Variants in USP26 observed in about 807,000 individuals in gnomAD.
USP26 encodes ubiquitin carboxyl-terminal hydrolase 26.
For missense variants in USP26, 649 were observed against 642.3 expected, an observed-to-expected ratio of 1.01 and a Z score of -0.11; for synonymous variants, 236 against 240.6, an observed-to-expected ratio of 0.98 and a Z score of 0.18.
intron 5 of USP26, among the ~76,000 whole-genome samples, chrX:133,060,910 A>G (rs894581855): frequency 1.1e-4 from 12 of 111,945 alleles, no homozygotes; most frequent in African/African-American, 3.6e-4. Flanking sequence ...TTCAGGAATG[A>G]ATTGATATGT....
At chrX:133,058,220 A>C (rs1331767557) in intron 5 of USP26, among the ~76,000 whole-genome samples, 1 of 109,704 alleles carries the variant, frequency 9.1e-6, no homozygotes, top group Non-Finnish European at 1.9e-5. Flanking sequence ...CCTGTTCTAT[A>C]ATGATGAATG....
At chrX:133,068,399 C>T (rs112695400) in intron 5 of USP26, among the ~76,000 whole-genome samples, 8 of 111,814 alleles carry the variant, frequency 7.2e-5, no homozygotes, top group African/African-American at 2.3e-4. Context: ...CCTCCTGAAC[C>T]TAAAAGTTGG....
At position 133,043,743 on chromosome X, in the gene USP26, G is replaced by A. The variant is rs183559914; in HGVS notation, c.-76-15447C>T. ...CAACATAGCAAGACTCCATCTCTAC[G>A]AAAAATAGAAAAAAAATAGCCAGGT... is the stretch of plus-strand genomic sequence containing the variant. On this transcript the variant is annotated intron_variant, in intron 5 of 5. Transcript: ENST00000511190. 2.2e-4 allele frequency among the ~76,000 whole-genome samples: 25 copies of A among 111,153 alleles called. No individual in the cohort carries two copies. The Admixed American group carries it at 2.4e-3, about 11-fold the overall frequency.
chrX:133,079,856 A>G (rs751460357), intron 5 of USP26, among the ~76,000 whole-genome samples: 1 of 111,997 alleles, frequency 8.9e-6, no homozygotes, highest in African/African-American at 3.2e-5. Context: ...AAGATAAAAA[A>G]TATAGATGAA....
intron 5 of USP26, among the ~76,000 whole-genome samples, chrX:133,041,268 G>A (rs1258584568): frequency 9.0e-6 from 1 of 110,979 alleles, no homozygotes; most frequent in Non-Finnish European, 1.9e-5. Flanking sequence ...GAGGAGATGA[G>A]GCATTCTGGT....
chrX:133,076,591 G>A (rs1207807623), intron 5 of USP26, among the ~76,000 whole-genome samples: 1 of 111,986 alleles, frequency 8.9e-6, no homozygotes, highest in Non-Finnish European at 1.9e-5. Context: ...TTGCTTCCAA[G>A]ATTGAGTTAC....
chrX:133,067,822 T>C (rs1252021156), intron 5 of USP26, among the ~76,000 whole-genome samples: 2 of 111,923 alleles, frequency 1.8e-5, no homozygotes, highest in Non-Finnish European at 3.8e-5. Flanking sequence ...CTAACCACCA[T>C]GGCACATGTA....
chrX:133,071,036 G>A (rs1409734948), intron 5 of USP26, among the ~76,000 whole-genome samples: 1 of 110,502 alleles, frequency 9.0e-6, no homozygotes, highest in African/African-American at 3.3e-5. Context: ...GGCCAACATG[G>A]TGAAACGCCA....
At chrX:133,040,114 C>T (rs1160665553) in intron 5 of USP26, among the ~76,000 whole-genome samples, 1 of 111,651 alleles carries the variant, frequency 9.0e-6, no homozygotes, top group Non-Finnish European at 1.9e-5. Context: ...CTCTTGAATA[C>T]AGCACACTGA....
intron 5 of USP26, among the ~76,000 whole-genome samples, chrX:133,076,541 TA>T (rs1424806079): frequency 8.9e-6 from 1 of 111,947 alleles, no homozygotes; most frequent in East Asian, 2.8e-4. Flanking sequence ...TCTTACTGAC[TA>T]GTTTCTATCA....
At chrX:133,085,936 T>C (rs2067587006) in intron 4 of USP26, among the ~76,000 whole-genome samples, 1 of 110,593 alleles carries the variant, frequency 9.0e-6, no homozygotes, top group African/African-American at 3.3e-5. Flanking sequence ...AGAAGATGTG[T>C]AGATGGGGTT....
intron 5 of USP26, among the ~76,000 whole-genome samples, chrX:133,059,303 T>C (rs1283216091): frequency 9.0e-6 from 1 of 111,518 alleles, no homozygotes; most frequent in African/African-American, 3.3e-5. Context: ...ATAACACACA[T>C]AGCAGTTAAG....
At chrX:133,034,583 A>G (rs7052100) in intron 5 of USP26, among the ~76,000 whole-genome samples, 3,867 of 112,512 alleles carry the variant, frequency 0.034, 98 homozygotes, top group East Asian at 0.1. Context: ...TCATTTTTAA[A>G]GGACCTATAA....
At chrX:133,074,626 T>C (rs2067541676) in intron 5 of USP26, among the ~76,000 whole-genome samples, 1 of 112,533 alleles carries the variant, frequency 8.9e-6, no homozygotes, top group African/African-American at 3.2e-5. Flanking sequence ...TGTATGTGCA[T>C]GCATCTGTTT....
chrX:133,031,402 A>G (rs1438955951), intron 5 of USP26, among the ~76,000 whole-genome samples: 1 of 112,199 alleles, frequency 8.9e-6, no homozygotes, highest in Non-Finnish European at 1.9e-5. Flanking sequence ...AGGGCCCATT[A>G]AACAAATCGG....
At chrX:133,055,287 G>T (rs1309506764) in intron 5 of USP26, among the ~76,000 whole-genome samples, 1 of 111,496 alleles carries the variant, frequency 9.0e-6, no homozygotes, top group Non-Finnish European at 1.9e-5. Flanking sequence ...TCACAAGGTT[G>T]CCAATGAGAT....
In USP26 at chrX:133,065,451, C is replaced by T. The variant is rs191659456; in HGVS notation, c.-77+18256G>A. Among the ~76,000 whole-genome samples, 4 of 111,957 alleles carry T rather than the reference C, an allele frequency of 3.6e-5. No individual in the cohort carries two copies. The East Asian group carries it at 8.4e-4, about 24-fold the overall frequency. Reference sequence around the variant, plus strand: ...AAAAGAAAATTTCAGGCTAATATCCCTGATGAATATCAATGCAAAAATCCT... The same window carrying T: ...AAAAGAAAATTTCAGGCTAATATCCTTGATGAATATCAATGCAAAAATCCT... On this transcript the variant is annotated intron_variant, in intron 5 of 5. Coordinates refer to ENST00000511190, the MANE Select transcript of USP26 (RefSeq NM_031907.3).
intron 5 of USP26, among the ~76,000 whole-genome samples, chrX:133,064,858 G>T (rs965534883): frequency 4.5e-5 from 5 of 111,431 alleles, no homozygotes; most frequent in African/African-American, 1.6e-4. Context: ...TCTAGCAGAA[G>T]ACAGGAAATA....
At chrX:133,079,801 C>T (rs1027030833) in intron 5 of USP26, among the ~76,000 whole-genome samples, 5 of 111,132 alleles carry the variant, frequency 4.5e-5, no homozygotes, top group South Asian at 3.8e-4. Flanking sequence ...AGAAATGTGG[C>T]GGTAATTGGG....
Sources: gnomAD v4.1 joint callset for allele counts (sites outside exome capture counted in the v4.1 genomes callset) on GRCh38, gnomAD v4.1.1 for gene constraint, MANE v1.5 for transcripts, NCBI Gene and HGNC (gene_info 2026-07-23, HGNC 2026-07-21) for gene names.